The following JADE3 variants were observed in gnomAD, a reference collection of about 807,000 sequenced individuals.
The protein encoded by JADE3 is protein Jade-3.
JADE3 carries 2 observed loss-of-function variants against 50.1 expected under a neutral mutation model. The observed-to-expected ratio is 0.04, with a 90% CI of 0.02 to 0.13. The LOEUF is 0.13. Among genes scored for constraint, JADE3 ranks in the 10% least tolerant of loss-of-function variants. The pLI is 1.00. For synonymous variants in JADE3, 218 were observed against 232.9 expected (o/e 0.94, Z 0.58); for missense variants, 475 against 634.4 (o/e 0.75, Z 2.70).
intron 4 of JADE3, among the ~76,000 whole-genome samples, chrX:47,007,259 G>A (rs1359187833): frequency 2.7e-5 from 3 of 112,066 alleles, no homozygotes; most frequent in African/African-American, 9.7e-5. Context: ...CTCTTGTTGG[G>A]TAGAGTATTC....
chrX:46,963,537 T>G (rs1194191057), intron 1 of JADE3, among the ~76,000 whole-genome samples: 1 of 112,414 alleles, frequency 8.9e-6, no homozygotes, highest in Non-Finnish European at 1.9e-5. Flanking sequence ...TAGTAATTAC[T>G]TAGTTCATTC....
chrX:47,053,935 C>T (rs143718067), intron 8 of JADE3, among the ~76,000 whole-genome samples: 1,414 of 111,648 alleles, frequency 0.013, 9 homozygotes, highest in Non-Finnish European at 0.019. Context: ...TGAGCTGAAA[C>T]CTCAAAAGGA....
intron 4 of JADE3, among the ~76,000 whole-genome samples, chrX:47,017,615 G>A (rs371385463): frequency 1.8e-5 from 2 of 112,001 alleles, no homozygotes; most frequent in Admixed American, 9.5e-5. Context: ...TAACTGTGTA[G>A]TGTATGCTTA....
At chrX:47,023,425 T>A (rs1235778157) in intron 4 of JADE3, among the ~76,000 whole-genome samples, 1 of 111,756 alleles carries the variant, frequency 8.9e-6, no homozygotes, top group Non-Finnish European at 1.9e-5. Context: ...TCCATCCATG[T>A]CCCTGCAAAG....
At chrX:46,978,180 T>C (rs905209494) in intron 1 of JADE3, among the ~76,000 whole-genome samples, 4 of 111,676 alleles carry the variant, frequency 3.6e-5, no homozygotes, top group African/African-American at 1.3e-4. Context: ...ACACATAAAA[T>C]GCACTAACAC....
At chrX:46,974,387 A>C (rs1168021359) in intron 1 of JADE3, among the ~76,000 whole-genome samples, 2 of 110,973 alleles carry the variant, frequency 1.8e-5, no homozygotes, top group African/African-American at 6.6e-5. Context: ...CTTGGGCGAC[A>C]GAGTGAGACT....
chrX:47,054,348 C>A lies in JADE3; in HGVS notation c.1163C>A (p.Ala388Asp), dbSNP rs1556372897. 5 of 1,211,122 alleles carry A rather than the reference C, an allele frequency of 4.1e-6. No homozygotes were observed. The East Asian group carries it at 1.5e-4, about 36-fold the overall frequency. The change falls in exon 9 of 11, where the codon GCC (alanine) becomes GAC (aspartate). Residue 388 changes from alanine to aspartate, a missense_variant. Ala to Asp is a moderately radical substitution (Grantham distance 126). Transcript: ENST00000614628. ...PHHRAKEQSQ[A>D]KSEKTSLRAQ... ...CACAGGGCTAAAGAGCAGAGCCAGG[C>A]CAAAAGTGAGAAAACCAGCCTGCGG...
At chrX:46,927,013 AATACC>A (rs1177246105) in intron 1 of JADE3, among the ~76,000 whole-genome samples, 1 of 112,310 alleles carries the variant, frequency 8.9e-6, no homozygotes, top group Non-Finnish European at 1.9e-5. Context: ...CTCTAGGATA[AATACC>A]TGGGAGTATG....
chrX:46,916,874 G>A lies in JADE3; in HGVS notation c.-12+4155G>A, dbSNP rs1926097414. Among the ~76,000 whole-genome samples, 3 of 111,407 alleles carry A rather than the reference G, an allele frequency of 2.7e-5. No homozygotes were observed. The Admixed American group carries it at 2.9e-4, about 11-fold the overall frequency. On this transcript the variant is annotated intron_variant, in intron 1 of 10. Coordinates refer to ENST00000614628, the MANE Select transcript of JADE3 (RefSeq NM_014735.5). ...GTGATGGGAGCACCATCCTGGTTAA[G>A]GATCTGAGAAGTAGATCTCTGGGAG...
intron 8 of JADE3, among the ~76,000 whole-genome samples, chrX:47,049,443 GGCGTGA>G (rs1314126758): frequency 9.3e-6 from 1 of 107,074 alleles, no homozygotes; most frequent in Non-Finnish European, 1.9e-5. Flanking sequence ...TGGGATTATA[GGCGTGA>G]GCCACCGCGC....
intron 1 of JADE3, among the ~76,000 whole-genome samples, chrX:46,949,291 G>A (rs1176546706): frequency 9.0e-6 from 1 of 111,537 alleles, no homozygotes; most frequent in Non-Finnish European, 1.9e-5. Flanking sequence ...GCTTGGGGCT[G>A]TTACATATAG....
intron 1 of JADE3, among the ~76,000 whole-genome samples, chrX:46,968,757 A>T (rs180955016): frequency 1.8e-5 from 2 of 111,146 alleles, no homozygotes; most frequent in South Asian, 4.0e-4. Context: ...TGTATGCACC[A>T]CATAACAGAG....
At chrX:46,923,262 G>A (rs933987471) in intron 1 of JADE3, among the ~76,000 whole-genome samples, 8 of 108,678 alleles carry the variant, frequency 7.4e-5, no homozygotes, top group Non-Finnish European at 1.3e-4. Context: ...TGATCTGCCC[G>A]CCTTGACCTC....
At chrX:46,959,555 A>G (rs1602385423) in intron 1 of JADE3, among the ~76,000 whole-genome samples, 1 of 111,370 alleles carries the variant, frequency 9.0e-6, no homozygotes, top group East Asian at 2.8e-4. Flanking sequence ...GATAAAGGAG[A>G]AGTTACTTGG....
At chrX:46,945,226 A>AGG (rs1240267817) in intron 1 of JADE3, among the ~76,000 whole-genome samples, 1 of 110,405 alleles carries the variant, frequency 9.1e-6, no homozygotes, top group Non-Finnish European at 1.9e-5. Flanking sequence ...CACATCATCC[A>AGG]GGAGGGTAAA....
chrX:47,058,954 TA>T lies in JADE3; in HGVS notation c.2352del (p.Glu785LysfsTer5). On this transcript the variant is annotated frameshift_variant, in exon 11 of 11. Transcript: ENST00000614628. LOFTEE classifies it high-confidence loss of function. Reference sequence around the variant, plus strand: ...ATTCAGAGGCAGAAAGTGATGGGAATAAAGAAAAAGTCAGGGTAAGGAAAGA... The same window carrying T: ...ATTCAGAGGCAGAAAGTGATGGGAATAAGAAAAAGTCAGGGTAAGGAAAGA... ...SDSEAESDGN[K>X]EKVRVRKDSS... 1 of 1,210,316 alleles carries T rather than the reference TA, an allele frequency of 8.3e-7. No homozygotes were observed. Among genetic ancestry groups the T allele is most frequent in the Non-Finnish European group, 1.1e-6 (1 of 894,919 alleles).
chrX:46,925,793 C>T (rs1246491530), intron 1 of JADE3, among the ~76,000 whole-genome samples: 1 of 105,210 alleles, frequency 9.5e-6, no homozygotes, highest in Non-Finnish European at 1.9e-5. Context: ...TACTGCACTC[C>T]AGCCTGGGCA....
At chrX:47,024,657 C>T (rs1884539530) in intron 4 of JADE3, 67 bp from the exon 5 acceptor site, 3 of 663,080 alleles carry the variant, frequency 4.5e-6, no homozygotes, top group Non-Finnish European at 4.7e-6. Flanking sequence ...GGCATTTAGC[C>T]ATCCATTCAG....
rs782157467 is a variant in JADE3, at chrX:47,039,094, G to A, written c.972+29G>A. On this transcript the variant is annotated intron_variant, in intron 8 of 10. Transcript: ENST00000614628. ...AGTCCCCATGAGAAGTGGTAGAGTG[G>A]GCTAACACCAAATTAGCTGGACTCA... 1.3e-5 allele frequency: 10 copies of A among 792,766 alleles called. No homozygotes were observed. The South Asian group carries it at 1.9e-4, about 15-fold the overall frequency. 65.3% of individuals were successfully genotyped at this position (792,766 alleles called of 1,213,427 possible). A position where few individuals can be genotyped will look rare whatever the true frequency, so the allele number is the denominator to read the frequency against.
Sources: gnomAD v4.1 joint callset for allele counts (sites outside exome capture counted in the v4.1 genomes callset) on GRCh38, gnomAD v4.1.1 for gene constraint, MANE v1.5 for transcripts, NCBI Gene and HGNC (gene_info 2026-07-23, HGNC 2026-07-21) for gene names.